The following DSE variants were observed in gnomAD, a reference collection of about 807,000 sequenced individuals.
DSE encodes the protein dermatan sulfate epimerase.
DSE carries 36 observed loss-of-function variants against 84.4 expected under a neutral mutation model. That is an observed-to-expected ratio of 0.43 (90% confidence interval 0.33 to 0.56). The LOEUF (loss-of-function observed/expected upper bound fraction) is 0.56. Ranked by LOEUF, DSE falls within the 20% of genes least tolerant of loss-of-function variation. DSE has a pLI of 0.06. For synonymous variants in DSE, 410 were observed against 430.1 expected (o/e 0.95, Z 0.58); for missense variants, 862 against 1,169.6 (o/e 0.74, Z 3.84).
At chr6:116,384,008 C>T (rs1477644172) in intron 1 of DSE, among the ~76,000 whole-genome samples, 1 of 152,016 alleles carries the variant, frequency 6.6e-6, no homozygotes, top group Non-Finnish European at 1.5e-5. Flanking sequence ...TTTGAATTCT[C>T]TAGATAAAAG....
intron 1 of DSE, among the ~76,000 whole-genome samples, chr6:116,381,184 A>G (rs1039911180): frequency 8.5e-5 from 13 of 152,168 alleles, no homozygotes; most frequent in African/African-American, 3.1e-4. Context: ...GCTTCATTAA[A>G]GAGTGTTGTG....
At chr6:116,294,353 C>T (rs1283537851) in intron 2 of DSE, among the ~76,000 whole-genome samples, 1 of 152,164 alleles carries the variant, frequency 6.6e-6, no homozygotes, top group African/African-American at 2.4e-5. Context: ...CACTTAGAAG[C>T]AGGGTGCTGG....
chr6:116,306,067 T>C (rs915239748), intron 2 of DSE, among the ~76,000 whole-genome samples: 1 of 152,180 alleles, frequency 6.6e-6, no homozygotes, highest in African/African-American at 2.4e-5. Flanking sequence ...TGTGTATGTG[T>C]GTATAGATAC....
intron 2 of DSE, among the ~76,000 whole-genome samples, chr6:116,307,185 C>T (rs181057239): frequency 6.6e-6 from 1 of 152,316 alleles, no homozygotes; most frequent in Admixed American, 6.5e-5. Flanking sequence ...CTGCCTGACC[C>T]ATGGAGACCT....
intron 2 of DSE, among the ~76,000 whole-genome samples, chr6:116,259,600 G>C (rs1428422210): frequency 1.3e-5 from 2 of 152,162 alleles, no homozygotes; most frequent in Admixed American, 1.3e-4. Context: ...TCATCACCCA[G>C]ATATTAAACT....
intron 1 of DSE, among the ~76,000 whole-genome samples, chr6:116,371,359 AG>A (rs965404622): frequency 1.4e-4 from 22 of 152,200 alleles, no homozygotes; most frequent in African/African-American, 5.1e-4. Flanking sequence ...AGCAGCCTCG[AG>A]GGGCAGCTTT....
chr6:116,257,348 T>C (rs1249156160), intron 1 of DSE: 1 of 152,236 alleles, frequency 6.6e-6, no homozygotes, highest in Non-Finnish European at 1.5e-5. Context: ...GTAATCTGAC[T>C]GGAGAGCCTG....
intron 2 of DSE, chr6:116,279,186 C>T: frequency 6.2e-7 from 1 of 1,611,874 alleles, no homozygotes; most frequent in East Asian, 2.2e-5. Context: ...CTTCTTCCTC[C>T]CTCGCCTCCT....
chr6:116,376,097 T>C (rs1181565410), intron 1 of DSE, among the ~76,000 whole-genome samples: 1 of 152,244 alleles, frequency 6.6e-6, no homozygotes, highest in Non-Finnish European at 1.5e-5. Flanking sequence ...TACTCACTAC[T>C]CCTCATGAAC....
At chr6:116,329,032 G>A (rs1776794278) in intron 2 of DSE, among the ~76,000 whole-genome samples, 1 of 152,090 alleles carries the variant, frequency 6.6e-6, no homozygotes, top group African/African-American at 2.4e-5. Flanking sequence ...ACTCCTCTTT[G>A]AAAAATAAAA....
intron 2 of DSE, among the ~76,000 whole-genome samples, chr6:116,416,899 G>T (rs1317605687): frequency 6.6e-6 from 1 of 152,062 alleles, no homozygotes; most frequent in African/African-American, 2.4e-5. Flanking sequence ...AAACATGTTA[G>T]GCATTTAAAA....
intron 2 of DSE, among the ~76,000 whole-genome samples, chr6:116,341,432 G>A (rs747194376): frequency 2.0e-4 from 30 of 152,274 alleles, no homozygotes; most frequent in Non-Finnish European, 4.1e-4. Context: ...TAGGTTGCCT[G>A]TTCACTCTGA....
chr6:116,368,941 GA>G (rs1779331837), upstream of DSE, among the ~76,000 whole-genome samples: 1 of 121,082 alleles, frequency 8.3e-6, no homozygotes, highest in African/African-American at 3.0e-5. Context: ...GGGGCGGGGG[GA>G]CGGGGGGGGC....
intron 2 of DSE, among the ~76,000 whole-genome samples, chr6:116,262,430 G>A (rs1772451173): frequency 6.6e-6 from 1 of 152,114 alleles, no homozygotes; most frequent in African/African-American, 2.4e-5. Flanking sequence ...ATTCTCTGAT[G>A]GTTGTTTGTA....
chr6:116,443,181 T>C lies in DSE; in HGVS notation c.*5836T>C, dbSNP rs1156544308. ...CTTGAATAAGTCTGGAGAGGGAATG[T>C]TTAACTCCTAGCCCACAGGCAAAAT... On this transcript the variant is annotated 3_prime_UTR_variant, in exon 6 of 6. Transcript: ENST00000644252. The C allele has an allele frequency of 6.6e-6, 1 of 152,214 alleles. No individual in the cohort carries two copies. Among genetic ancestry groups the C allele is most frequent in the Non-Finnish European group, 1.5e-5 (1 of 68,040 alleles). The allele number at this position is 152,214 out of a possible 1,614,324, so 9.4% of individuals were successfully genotyped here.
intron 2 of DSE, among the ~76,000 whole-genome samples, chr6:116,422,792 A>C (rs1245503620): frequency 6.6e-6 from 1 of 152,222 alleles, no homozygotes; most frequent in Non-Finnish European, 1.5e-5. Flanking sequence ...AGTTTTACTT[A>C]ATACTGCTTT....
At chr6:116,396,798 G>A (rs890562286) in intron 1 of DSE, among the ~76,000 whole-genome samples, 2 of 152,158 alleles carry the variant, frequency 1.3e-5, no homozygotes, top group East Asian at 1.9e-4. Flanking sequence ...GGGACTCTTC[G>A]GAGCAGTCCT....
At chr6:116,378,112 A>C (rs377709680) in intron 1 of DSE, among the ~76,000 whole-genome samples, 7 of 152,116 alleles carry the variant, frequency 4.6e-5, no homozygotes, top group African/African-American at 9.7e-5. Flanking sequence ...CTGAAAGGGA[A>C]CGTTGAACAG....
rs918825276 is a variant in DSE at position 116,440,768 on chromosome 6, A to G, written c.*3423A>G. 1.3e-5 allele frequency: 2 copies of G among 152,210 alleles called. No homozygotes were observed. Among genetic ancestry groups the G allele is most frequent in the African/African-American group, 2.4e-5 (1 of 41,442 alleles). The allele number at this position is 152,210 out of a possible 1,614,324, so 9.4% of individuals were successfully genotyped here. On this transcript the variant is annotated 3_prime_UTR_variant, in exon 6 of 6. Coordinates refer to ENST00000644252, the MANE Select transcript of DSE (RefSeq NM_013352.4). The stretch of plus-strand genomic sequence containing the variant: ...ACTGGGACATATGGTCATCTTTGTC[A>G]TAGCTTAATTCAGGAAAAAAGGAGT...
Sources: allele counts gnomAD v4.1 joint callset (sites outside exome capture counted in the v4.1 genomes callset), GRCh38; gene constraint gnomAD v4.1.1; transcripts MANE v1.5; gene names NCBI Gene and HGNC (gene_info 2026-07-23, HGNC 2026-07-21).